The following SLC25A21 variants were observed in gnomAD, a reference collection of about 807,000 sequenced individuals.
The protein encoded by SLC25A21 is solute carrier family 25 member 21, also known as mitochondrial 2-oxodicarboxylate carrier.
A neutral mutation model predicts 43.8 loss-of-function variants in SLC25A21; 47 were observed. The ratio of observed to expected loss-of-function variants is 1.07; its 90% CI spans 0.85 to 1.37. The LOEUF (loss-of-function observed/expected upper bound fraction) is 1.37, where lower values mean the gene tolerates loss of function less well. Among genes scored for constraint, SLC25A21 ranks in the 40% most tolerant of loss-of-function variants. The pLI, the probability that SLC25A21 is intolerant of heterozygous loss-of-function variation, is 0.00. For synonymous variants in SLC25A21, 131 were observed against 121.3 expected, an observed-to-expected ratio of 1.08 and a Z score of -0.52; for missense variants, 352 against 350.2, an observed-to-expected ratio of 1.00 and a Z score of -0.04.
At chr14:36,932,748 T>C (rs1448061534) in intron 1 of SLC25A21, among the ~76,000 whole-genome samples, 1 of 151,900 alleles carries the variant, frequency 6.6e-6, no homozygotes, top group Non-Finnish European at 1.5e-5. Flanking sequence ...GTATTTATAG[T>C]ATATAGCAAG....
chr14:36,701,593 A>G (rs1883279531), intron 7 of SLC25A21, among the ~76,000 whole-genome samples: 1 of 152,218 alleles, frequency 6.6e-6, no homozygotes, highest in African/African-American at 2.4e-5. Flanking sequence ...ATATACATAT[A>G]TATAATGTCA....
At chr14:36,983,471 C>G (rs1960075864) in intron 1 of SLC25A21, among the ~76,000 whole-genome samples, 1 of 151,986 alleles carries the variant, frequency 6.6e-6, no homozygotes, top group South Asian at 2.1e-4. Context: ...ATTTACAGTA[C>G]TCTATTATGA....
chr14:37,007,009 C>T (rs1170752463), intron 1 of SLC25A21, among the ~76,000 whole-genome samples: 1 of 152,116 alleles, frequency 6.6e-6, no homozygotes, highest in African/African-American at 2.4e-5. Flanking sequence ...TCTACAATAT[C>T]AATTAATGTT....
intron 2 of SLC25A21, among the ~76,000 whole-genome samples, chr14:36,819,382 A>T (rs1888553415): frequency 6.6e-6 from 1 of 151,534 alleles, no homozygotes; most frequent in Admixed American, 6.6e-5. Context: ...GCACTAATTG[A>T]AGCATTTTTT....
intron 1 of SLC25A21, among the ~76,000 whole-genome samples, chr14:37,152,079 C>T (rs1169806226): frequency 6.6e-6 from 1 of 152,036 alleles, no homozygotes; most frequent in Non-Finnish European, 1.5e-5. Flanking sequence ...AAGTAAGATG[C>T]TTTGCACATA....
At chr14:37,102,717 G>A (rs1258732122) in intron 1 of SLC25A21, among the ~76,000 whole-genome samples, 1 of 151,890 alleles carries the variant, frequency 6.6e-6, no homozygotes, top group African/African-American at 2.4e-5. Context: ...TGGGCATGGT[G>A]GCTCATACCT....
At chr14:37,069,104 G>A (rs956096267) in intron 1 of SLC25A21, among the ~76,000 whole-genome samples, 28 of 152,034 alleles carry the variant, frequency 1.8e-4, no homozygotes, top group Admixed American at 1.2e-3. Flanking sequence ...GTGAACCTGG[G>A]AGGTGGAGCT....
At chr14:36,770,017 G>C (rs1056445979) in intron 3 of SLC25A21, among the ~76,000 whole-genome samples, 2 of 152,152 alleles carry the variant, frequency 1.3e-5, no homozygotes, top group Non-Finnish European at 2.9e-5. Flanking sequence ...AAGCCATCTA[G>C]AATCCATCCT....
At chr14:37,028,257 A>C (rs1289624979) in intron 1 of SLC25A21, among the ~76,000 whole-genome samples, 2 of 152,126 alleles carry the variant, frequency 1.3e-5, no homozygotes, top group Non-Finnish European at 2.9e-5. Flanking sequence ...GAGAAGAAAA[A>C]AAATTATAAT....
At chr14:37,045,253 G>C (rs1388942871) in intron 1 of SLC25A21, among the ~76,000 whole-genome samples, 1 of 152,202 alleles carries the variant, frequency 6.6e-6, no homozygotes, top group Admixed American at 6.5e-5. Flanking sequence ...TGAAAAGTTT[G>C]TGGTGTAATA....
chr14:36,921,669 C>T (rs1286400430), intron 1 of SLC25A21, among the ~76,000 whole-genome samples: 1 of 152,036 alleles, frequency 6.6e-6, no homozygotes, highest in Non-Finnish European at 1.5e-5. Flanking sequence ...AGTGGTTATC[C>T]TTGCTGAGGA....
chr14:37,032,961 T>A (rs1961251221), intron 1 of SLC25A21, among the ~76,000 whole-genome samples: 1 of 152,110 alleles, frequency 6.6e-6, no homozygotes, highest in African/African-American at 2.4e-5. Flanking sequence ...TCCATCTTTT[T>A]AAAAAAATTG....
chr14:37,019,683 T>G (rs1485904301), intron 1 of SLC25A21, among the ~76,000 whole-genome samples: 8 of 151,612 alleles, frequency 5.3e-5, no homozygotes, highest in Admixed American at 5.3e-4. Flanking sequence ...TGTAAGAGGA[T>G]GTCAAATCCC....
intron 1 of SLC25A21, among the ~76,000 whole-genome samples, chr14:37,084,757 T>C (rs960171687): frequency 9.2e-5 from 14 of 152,180 alleles, no homozygotes; most frequent in African/African-American, 3.1e-4. Flanking sequence ...AACTCCTTAG[T>C]TGCTATAGAC....
chr14:37,003,395 C>A (rs1265298059), intron 1 of SLC25A21, among the ~76,000 whole-genome samples: 1 of 152,108 alleles, frequency 6.6e-6, no homozygotes, highest in Non-Finnish European at 1.5e-5. Context: ...CTGGAATTTT[C>A]CACTTAATAT....
At chr14:37,162,474 G>A (rs1963961967) in intron 1 of SLC25A21, among the ~76,000 whole-genome samples, 1 of 60,494 alleles carries the variant, frequency 1.7e-5, no homozygotes, top group Admixed American at 1.7e-4. Flanking sequence ...TCAAAAAGTG[G>A]GCGAAGGACA....
At chr14:36,942,941 T>G (rs1892599798) in intron 1 of SLC25A21, among the ~76,000 whole-genome samples, 1 of 152,118 alleles carries the variant, frequency 6.6e-6, no homozygotes, top group Admixed American at 6.6e-5. Context: ...TTTGAGCCCC[T>G]CCCCTAGTCC....
At chr14:36,964,019 G>C (rs1052395387) in intron 1 of SLC25A21, among the ~76,000 whole-genome samples, 1 of 152,002 alleles carries the variant, frequency 6.6e-6, no homozygotes, top group African/African-American at 2.4e-5. Context: ...GATTTCTTAT[G>C]CACATATATA....
Position 36,726,260 on chromosome 14 carries a change from G to A in SLC25A21, c.331-583C>T, listed in dbSNP as rs544142757. Among the ~76,000 whole-genome samples, 4 of 152,058 alleles carry A rather than the reference G, an allele frequency of 2.6e-5. No individual in the cohort carries two copies. The South Asian group carries it at 8.3e-4, about 32-fold the overall frequency. On this transcript the variant is annotated intron_variant, in intron 5 of 9. Coordinates refer to ENST00000331299, the MANE Select transcript of SLC25A21 (RefSeq NM_030631.4). Reference sequence around the variant, plus strand: ...ATTTTAAAAAACACCGGCAATTGACGCAGTCTTCTAAACCTAAAAGCTGAG... The same window carrying A: ...ATTTTAAAAAACACCGGCAATTGACACAGTCTTCTAAACCTAAAAGCTGAG...
Sources: gnomAD v4.1 joint callset for allele counts (sites outside exome capture counted in the v4.1 genomes callset) on GRCh38, gnomAD v4.1.1 for gene constraint, MANE v1.5 for transcripts, NCBI Gene and HGNC (gene_info 2026-07-23, HGNC 2026-07-21) for gene names.